SLC22A3: variants seen among roughly 807,000 people sequenced by gnomAD.
SLC22A3 encodes the protein EMT organic cation transporter 3.
A neutral mutation model predicts 59.1 loss-of-function variants in SLC22A3; 51 were observed. That is an observed-to-expected ratio of 0.86 (90% CI 0.69 to 1.09). The LOEUF (loss-of-function observed/expected upper bound fraction) is 1.09. SLC22A3 is among the 50% of genes least tolerant of loss of function. The pLI is 0.00. For missense variants in SLC22A3, 711 were observed against 726.3 expected, an observed-to-expected ratio of 0.98 and a Z score of 0.24; for synonymous variants, 325 against 292.0, an observed-to-expected ratio of 1.11 and a Z score of -1.15.
At position 160,408,769 on chromosome 6, in the gene SLC22A3, T is replaced by C. The variant is rs147615801; in HGVS notation, c.705T>C (p.Gly235=). 1.8e-5 allele frequency: 29 copies of C among 1,613,642 alleles called. No homozygotes were observed. The highest frequency in any genetic ancestry group is 5.0e-5 in the Admixed American group (3 of 59,952). ...TCYVIVTEIV[G]SKQRRIVGIV... is the part of the protein sequence containing the mutation. ...TTCCTTTAGTGACAGAAATAGTAGG[T>C]TCGAAACAAAGGAGGATTGTGGGAA... Residue 235 remains glycine, a synonymous_variant, in exon 4 of 11, where the codon GGT becomes GGC. Coordinates refer to ENST00000275300, the MANE Select transcript of SLC22A3 (RefSeq NM_021977.4).
intron 4 of SLC22A3, among the ~76,000 whole-genome samples, chr6:160,409,165 TC>T (rs1469664301): frequency 3.2e-5 from 3 of 94,542 alleles, no homozygotes; most frequent in African/African-American, 4.3e-5. Context: ...ATGCTATCCC[TC>T]CCCCCTCCCC....
intron 1 of SLC22A3, among the ~76,000 whole-genome samples, chr6:160,382,116 T>A (rs942653202): frequency 2.6e-5 from 4 of 152,224 alleles, no homozygotes; most frequent in Non-Finnish European, 4.4e-5. Context: ...TCATCCAGTA[T>A]GACTTGTCTT....
chr6:160,354,658 A>T (rs1037428731), intron 1 of SLC22A3, among the ~76,000 whole-genome samples: 8 of 152,228 alleles, frequency 5.3e-5, no homozygotes, highest in Non-Finnish European at 1.0e-4. Flanking sequence ...TAAAATTTTT[A>T]AAAAATTGGC....
At chr6:160,419,494 G>A (rs1004232489) in intron 5 of SLC22A3, among the ~76,000 whole-genome samples, 4 of 152,124 alleles carry the variant, frequency 2.6e-5, no homozygotes, top group South Asian at 2.1e-4. Context: ...ATCTCTCTTC[G>A]GGGAATTCAT....
At chr6:160,391,224 T>C (rs1208211592) in intron 1 of SLC22A3, among the ~76,000 whole-genome samples, 2 of 152,170 alleles carry the variant, frequency 1.3e-5, no homozygotes, top group Non-Finnish European at 2.9e-5. Context: ...TAAAATACGC[T>C]GAAATTAACT....
chr6:160,410,670 A>C, intron 4 of SLC22A3, 59 bp from the exon 5 acceptor site: 3 of 1,059,046 alleles, frequency 2.8e-6, no homozygotes, highest in Non-Finnish European at 4.4e-6. Flanking sequence ...ACTCAAGGCA[A>C]TAGATTTTAG....
intron 3 of SLC22A3, among the ~76,000 whole-genome samples, 175 bp downstream of exon 3, chr6:160,407,370 T>C (rs571331025): frequency 4.6e-5 from 7 of 152,298 alleles, no homozygotes; most frequent in African/African-American, 1.7e-4. Flanking sequence ...CTGAGTGCTT[T>C]AGAAACTAAA....
chr6:160,378,198 CT>C (rs1280194992), intron 1 of SLC22A3, among the ~76,000 whole-genome samples: 5 of 152,074 alleles, frequency 3.3e-5, no homozygotes, highest in Non-Finnish European at 7.4e-5. Context: ...TAGAATATAG[CT>C]TTCTAATATT....
At chr6:160,349,620 A>G (rs1334740838) in intron 1 of SLC22A3, among the ~76,000 whole-genome samples, 2 of 152,146 alleles carry the variant, frequency 1.3e-5, no homozygotes, top group Non-Finnish European at 2.9e-5. Context: ...CAGTCAGTGC[A>G]TTTGGAAGTT....
chr6:160,430,436 T>TC (rs143699563), intron 5 of SLC22A3, among the ~76,000 whole-genome samples: 3,729 of 152,238 alleles, frequency 0.024, 155 homozygotes, highest in African/African-American at 0.086. Flanking sequence ...ATAATGTCTT[T>TC]CTCTTCTTTG....
intron 7 of SLC22A3, among the ~76,000 whole-genome samples, chr6:160,440,160 C>G (rs1032529353): frequency 2.6e-5 from 4 of 152,204 alleles, no homozygotes; most frequent in Non-Finnish European, 4.4e-5. Context: ...TTTCTTAACA[C>G]TCATTAATGT....
intron 5 of SLC22A3, among the ~76,000 whole-genome samples, chr6:160,432,714 A>C (rs4709431): frequency 0.032 from 4,871 of 152,268 alleles, 300 homozygotes; most frequent in Admixed American, 0.17. Context: ...TAATTTTCAG[A>C]GATTATTTGT....
At chr6:160,400,005 C>T (rs997329460) in intron 2 of SLC22A3, among the ~76,000 whole-genome samples, 3 of 151,376 alleles carry the variant, frequency 2.0e-5, no homozygotes, top group African/African-American at 7.3e-5. Flanking sequence ...TTGATGAATT[C>T]CTGGAGGATC....
At chr6:160,430,284 A>C (rs954824471) in intron 5 of SLC22A3, among the ~76,000 whole-genome samples, 2 of 152,178 alleles carry the variant, frequency 1.3e-5, no homozygotes, top group African/African-American at 4.8e-5. Context: ...AGGCTCAAAC[A>C]GTTTAAGTAA....
intron 1 of SLC22A3, among the ~76,000 whole-genome samples, chr6:160,381,823 C>A (rs559054989): frequency 6.6e-6 from 1 of 152,156 alleles, no homozygotes; most frequent in Non-Finnish European, 1.5e-5. Flanking sequence ...ACTGTCCTAC[C>A]TCTGAGATTC....
At chr6:160,449,208 GTTTT>G (rs1241577647) in intron 10 of SLC22A3, among the ~76,000 whole-genome samples, 1 of 152,084 alleles carries the variant, frequency 6.6e-6, no homozygotes, top group Admixed American at 6.6e-5. Flanking sequence ...GCTAGGAGAG[GTTTT>G]TTTGTTTTTG....
At chr6:160,410,637 G>A (rs551837568) in intron 4 of SLC22A3, 92 bp from the exon 5 acceptor site, 123 of 804,920 alleles carry the variant, frequency 1.5e-4, no homozygotes, top group Admixed American at 7.6e-4. Context: ...ATATCTAATT[G>A]CAAGATCCAT....
intron 1 of SLC22A3, among the ~76,000 whole-genome samples, chr6:160,355,544 G>A (rs977878144): frequency 2.0e-5 from 3 of 151,648 alleles, no homozygotes; most frequent in African/African-American, 4.8e-5. Flanking sequence ...GGCAGATCAC[G>A]AGGTCAGGAG....
rs992630200 is a variant in SLC22A3, at chr6:160,407,055, T to A, written c.548T>A (p.Val183Asp). 6 of 1,613,254 alleles carry A rather than the reference T, an allele frequency of 3.7e-6. No homozygotes were observed. The East Asian group carries it at 1.3e-4, about 36-fold the overall frequency. The part of the protein sequence containing the change: ...GYAADRYGRI[V>D]IYLLSCLGVG... The stretch of plus-strand genomic sequence containing the variant: ...TTCTCAAAAAGGTATGGCAGGATCG[T>A]CATTTACTTGCTATCCTGCCTTGGT... Residue 183 changes from valine to aspartate, a missense_variant, in exon 3 of 11, where the codon GTC becomes GAC. Physicochemically the swap from Val to Asp is radical, Grantham distance 152. Coordinates refer to ENST00000275300, the MANE Select transcript of SLC22A3 (RefSeq NM_021977.4).
Sources: allele counts gnomAD v4.1 joint callset (sites outside exome capture counted in the v4.1 genomes callset), GRCh38; gene constraint gnomAD v4.1.1; transcripts MANE v1.5; gene names NCBI Gene and HGNC (gene_info 2026-07-23, HGNC 2026-07-21).